Variants in UBE2V1 observed in about 807,000 individuals in gnomAD.
The protein encoded by UBE2V1 is ubiquitin-conjugating enzyme E2 variant 1.
In UBE2V1, 15 loss-of-function variants were observed where a neutral mutation model predicts 19.6. That is an observed-to-expected ratio of 0.77 (90% confidence interval 0.51 to 1.18). The LOEUF is 1.18. Ranked by LOEUF, UBE2V1 falls within the 50% of genes most tolerant of loss-of-function variation. The pLI, the probability that UBE2V1 is intolerant of heterozygous loss-of-function variation, is 0.00. For synonymous variants in UBE2V1, 60 were observed against 60.7 expected (o/e 0.99, Z 0.05); for missense variants, 125 against 184.8 (o/e 0.68, Z 1.88).
chr20:50,089,105 G>A (rs1047320968), intron 2 of UBE2V1, among the ~76,000 whole-genome samples: 6 of 152,152 alleles, frequency 3.9e-5, no homozygotes, highest in South Asian at 2.1e-4. Flanking sequence ...TTAAACAGGC[G>A]TCAGTGGACT....
rs74828498 is a variant in UBE2V1 at position 50,101,688 on chromosome 20, T to A, written c.23-4868A>T. On this transcript the variant is annotated intron_variant, in intron 1 of 3. Transcript: ENST00000371674. ...CCCTATACATAAATTATCAGTAACA[T>A]ATAGGCACACACACCTTCTCTCAGT... is the stretch of plus-strand genomic sequence containing the variant. 6.3e-3 allele frequency among the ~76,000 whole-genome samples: 954 copies of A among 151,392 alleles called. 19 individuals are homozygous for A. The highest frequency in any genetic ancestry group is 0.022 in the African/African-American group (908 of 41,292).
intron 2 of UBE2V1, among the ~76,000 whole-genome samples, chr20:50,094,207 TAATA>T (rs2079456109): frequency 1.3e-5 from 1 of 78,428 alleles, no homozygotes; most frequent in African/African-American, 1.1e-4. Flanking sequence ...ACAGTATATA[TAATA>T]TATAACATAT....
chr20:50,104,655 C>CAAAAA (rs113771532), intron 1 of UBE2V1, among the ~76,000 whole-genome samples: 3,365 of 71,036 alleles, frequency 0.047, 184 homozygotes, highest in Non-Finnish European at 0.066. Flanking sequence ...GACTCTGGCA[C>CAAAAA]AAAAAAAAAA....
At position 50,111,853 on chromosome 20, in the gene UBE2V1, C is replaced by G. The variant is rs527469621; in HGVS notation, c.22+1254G>C. ...TATGCCAATGATTGCTGTACTCAGG[C>G]TGGTGTCCCTGCAGCCCCACAGTGG... On this transcript the variant is annotated intron_variant, in intron 1 of 3. Transcript: ENST00000371674. 2.0e-5 allele frequency among the ~76,000 whole-genome samples: 3 copies of G among 152,348 alleles called. No individual in the cohort carries two copies. The East Asian group carries it at 5.8e-4, about 29-fold the overall frequency.
chr20:50,093,197 T>C (rs1012864785), intron 2 of UBE2V1, among the ~76,000 whole-genome samples: 1 of 152,268 alleles, frequency 6.6e-6, no homozygotes, highest in African/African-American at 2.4e-5. Flanking sequence ...TTTTGTACAC[T>C]GCCTTTGGGC....
chr20:50,108,770 T>A (rs1262869191), intron 1 of UBE2V1, among the ~76,000 whole-genome samples: 1 of 152,168 alleles, frequency 6.6e-6, no homozygotes, highest in East Asian at 1.9e-4. Context: ...TCATTCAGTA[T>A]AAAATATAAG....
intron 1 of UBE2V1, chr20:50,098,933 C>A (rs181578924): frequency 5.1e-6 from 5 of 985,416 alleles, no homozygotes; most frequent in Non-Finnish European, 6.0e-6. Flanking sequence ...CAGCAGCCAA[C>A]TGGATTATTC....
chr20:50,111,141 T>C (rs754146091), intron 1 of UBE2V1: 14 of 587,708 alleles, frequency 2.4e-5, no homozygotes, highest in Non-Finnish European at 2.8e-5. Flanking sequence ...ATCTGTTGAA[T>C]AAACAGACAA....
intron 1 of UBE2V1, among the ~76,000 whole-genome samples, chr20:50,102,925 G>A (rs1014478597): frequency 1.3e-5 from 2 of 152,166 alleles, no homozygotes; most frequent in Non-Finnish European, 2.9e-5. Context: ...TTGTATTTGT[G>A]AGTCCCTCAC....
At chr20:50,086,059 A>C (rs1326461040) in intron 2 of UBE2V1, among the ~76,000 whole-genome samples, 1 of 152,212 alleles carries the variant, frequency 6.6e-6, no homozygotes, top group Non-Finnish European at 1.5e-5. Flanking sequence ...CAACGTCTTA[A>C]AAACAGGAAG....
At chr20:50,091,247 A>G (rs1381306419) in intron 2 of UBE2V1, among the ~76,000 whole-genome samples, 1 of 151,726 alleles carries the variant, frequency 6.6e-6, no homozygotes, top group African/African-American at 2.4e-5. Flanking sequence ...GGGTTTCAAC[A>G]TGTTGGCCAG....
At chr20:50,110,073 C>T (rs932305507) in intron 1 of UBE2V1, among the ~76,000 whole-genome samples, 2 of 152,240 alleles carry the variant, frequency 1.3e-5, no homozygotes, top group Non-Finnish European at 2.9e-5. Flanking sequence ...TATGAGGCCA[C>T]TCCGATGTAT....
At chr20:50,085,002 C>T (rs2078835081) in intron 2 of UBE2V1, among the ~76,000 whole-genome samples, 1 of 148,510 alleles carries the variant, frequency 6.7e-6, no homozygotes, top group Non-Finnish European at 1.5e-5. Flanking sequence ...GTTCAAGTGA[C>T]TCTCCTGTCT....
chr20:50,096,475 T>C (rs1350100952), intron 2 of UBE2V1, 197 bp downstream of exon 2: 2 of 1,424,794 alleles, frequency 1.4e-6, no homozygotes, highest in South Asian at 2.5e-5. Flanking sequence ...AAACAGGTTT[T>C]TGCTTACCAT....
At chr20:50,084,668 A>AAC (rs2078804803) in intron 2 of UBE2V1, 4 of 402,004 alleles carry the variant, frequency 1.0e-5, no homozygotes, top group South Asian at 7.4e-5. Context: ...TAAAGCACAG[A>AAC]ACAGGTCACT....
chr20:50,114,708 G>T (rs767062017), upstream of UBE2V1, among the ~76,000 whole-genome samples: 25 of 152,116 alleles, frequency 1.6e-4, no homozygotes, highest in Non-Finnish European at 2.9e-4. Flanking sequence ...CAGATTTAAC[G>T]GGGCTTTCAC....
chr20:50,104,189 G>A (rs2080197673), intron 1 of UBE2V1, among the ~76,000 whole-genome samples: 1 of 150,104 alleles, frequency 6.7e-6, no homozygotes, highest in Non-Finnish European at 1.5e-5. Flanking sequence ...GGCTGAGGCA[G>A]GAGAATTGCT....
At chr20:50,094,762 T>C (rs1430272412) in intron 2 of UBE2V1, among the ~76,000 whole-genome samples, 2 of 152,116 alleles carry the variant, frequency 1.3e-5, no homozygotes, top group Non-Finnish European at 2.9e-5. Context: ...TGCCTACCGA[T>C]GGGTATGGGT....
chr20:50,100,446 G>A (rs1487060617), intron 1 of UBE2V1, among the ~76,000 whole-genome samples: 3 of 152,014 alleles, frequency 2.0e-5, no homozygotes, highest in Admixed American at 6.6e-5. Context: ...TTAGCCGGGC[G>A]TGGTGGTGTG....
Sources: allele counts gnomAD v4.1 joint callset (sites outside exome capture counted in the v4.1 genomes callset), GRCh38; gene constraint gnomAD v4.1.1; transcripts MANE v1.5; gene names NCBI Gene and HGNC (gene_info 2026-07-23, HGNC 2026-07-21).